Variants in AEBP2 observed in about 807,000 individuals in gnomAD.
AEBP2 encodes the protein AE binding protein 2.
In AEBP2, 10 loss-of-function variants were observed where a neutral mutation model predicts 50.8. That is an observed-to-expected ratio of 0.20 (90% CI 0.12 to 0.33). AEBP2 has a LOEUF of 0.33. AEBP2 is among the 10% of genes least tolerant of loss of function. The pLI, the probability that AEBP2 is intolerant of heterozygous loss-of-function variation, is 1.00. For synonymous variants in AEBP2, 296 were observed against 261.3 expected (o/e 1.13, Z -1.28); for missense variants, 570 against 688.0 (o/e 0.83, Z 1.92).
chr12:19,481,742 G>T (rs1169864322), intron 3 of AEBP2, among the ~76,000 whole-genome samples: 1 of 152,102 alleles, frequency 6.6e-6, no homozygotes, highest in Non-Finnish European at 1.5e-5. Context: ...GCCTCCCACA[G>T]TGCTGGGATT....
In AEBP2 at chr12:19,463,075, A is replaced by T. The variant is rs1592737562; in HGVS notation, c.879+358A>T. On this transcript the variant is annotated intron_variant, in intron 2 of 7. Coordinates refer to ENST00000266508, the MANE Select transcript of AEBP2 (RefSeq NM_153207.5). ...ATTTTCCTTTGTTAGAGGATCCTAA[A>T]TTATTCCTGACGCTTAAATTAACTG... Among the ~76,000 whole-genome samples, 3 of 152,200 alleles carry T rather than the reference A, an allele frequency of 2.0e-5. No homozygotes were observed. The East Asian group carries it at 5.8e-4, about 29-fold the overall frequency.
At chr12:19,451,723 C>G (rs192302777) in intron 1 of AEBP2, among the ~76,000 whole-genome samples, 6 of 149,858 alleles carry the variant, frequency 4.0e-5, no homozygotes, top group Admixed American at 4.0e-4. Context: ...GTCTCGCTTG[C>G]TGGGTTGCCC....
Position 19,440,033 on chromosome 12 carries a change from A to T in AEBP2, c.334A>T (p.Ser112Cys). 6.6e-7 allele frequency: 1 copy of T among 1,524,100 alleles called. No homozygotes were observed. Among genetic ancestry groups the T allele is most frequent in the Non-Finnish European group, 8.8e-7 (1 of 1,141,750 alleles). 94.4% of individuals were successfully genotyped at this position (1,524,100 alleles called of 1,614,324 possible). A position where few individuals can be genotyped will look rare whatever the true frequency, so the allele number is the denominator to read the frequency against. Residue 112 changes from serine to cysteine, a missense_variant, in exon 1 of 8, where the codon AGC becomes TGC. By Grantham distance (112) the Ser-to-Cys change is moderately radical (BLOSUM62 -1). This residue lies in a region of AEBP2 where 386 missense variants were observed against 336.8 expected (regional missense o/e 1.15). Transcript: ENST00000266508. ...CGAGGAGGAGGAAGATGAGAGCAGCAGCAGCGGCGGGGGTGAGGAGGAGAG... is the reference window on the plus strand; with the variant it reads ...CGAGGAGGAGGAAGATGAGAGCAGCTGCAGCGGCGGGGGTGAGGAGGAGAG... ...DDEEEEDESS[S>C]SGGGEEESSA...
At chr12:19,440,896 A>G (rs1329547985) in intron 1 of AEBP2, among the ~76,000 whole-genome samples, 1 of 152,246 alleles carries the variant, frequency 6.6e-6, no homozygotes, top group African/African-American at 2.4e-5. Context: ...CTTTTATATT[A>G]AATCATTGCC....
chr12:19,491,866 T>C (rs11044606), intron 3 of AEBP2, among the ~76,000 whole-genome samples: 3,238 of 152,302 alleles, frequency 0.021, 40 homozygotes, highest in East Asian at 0.042. Context: ...GACATAGATA[T>C]GCAGTGAAGT....
chr12:19,501,797 G>GTTTGTTTTTTT (rs60750234), intron 5 of AEBP2, among the ~76,000 whole-genome samples: 43 of 70,920 alleles, frequency 6.1e-4, no homozygotes, highest in East Asian at 1.5e-3. Context: ...AAATGAGTTT[G>GTTTGTTTTTTT]TTTTTTTTTT....
chr12:19,429,264 G>A (rs1246117656), intron 1 of AEBP2, among the ~76,000 whole-genome samples: 2 of 152,284 alleles, frequency 1.3e-5, no homozygotes, highest in African/African-American at 4.8e-5. Flanking sequence ...TGCTGAGAAT[G>A]ATGGTTTCCA....
At chr12:19,509,017 T>G (rs1374107400) in intron 5 of AEBP2, 1 of 566,262 alleles carries the variant, frequency 1.8e-6, no homozygotes, top group African/African-American at 1.9e-5. Flanking sequence ...CTAAGAACGT[T>G]GGGAAAGCAC....
At position 19,415,091 on chromosome 12, in the gene AEBP2, G is replaced by A. The variant is rs538645953; in HGVS notation, c.-17+10875G>A. Among the ~76,000 whole-genome samples the A allele has an allele frequency of 3.0e-4, 45 of 151,106 alleles. No individual in the cohort carries two copies. The South Asian group carries it at 8.2e-3, about 27-fold the overall frequency. ...TTGGGAGACTGAGGCGGGTGGATCA[G>A]TTGAGGCCAGGAGTTCAAGACAGTC... On this transcript the variant is annotated intron_variant, in intron 1 of 3. Transcript: ENST00000538425.
At chr12:19,459,278 C>G (rs1411263254) in intron 1 of AEBP2, among the ~76,000 whole-genome samples, 2 of 151,996 alleles carry the variant, frequency 1.3e-5, no homozygotes, top group African/African-American at 4.8e-5. Context: ...GTTGCCCAGG[C>G]TGGAGTGCAG....
upstream of AEBP2, among the ~76,000 whole-genome samples, chr12:19,439,203 G>A (rs1947893585): frequency 6.6e-6 from 1 of 152,176 alleles, no homozygotes; most frequent in African/African-American, 2.4e-5. Context: ...CTCAGCTCCT[G>A]TACAGAGGGG....
chr12:19,443,470 G>T (rs1012665794), intron 1 of AEBP2, among the ~76,000 whole-genome samples: 2 of 150,608 alleles, frequency 1.3e-5, no homozygotes, highest in African/African-American at 4.9e-5. Flanking sequence ...TGTAATCCCA[G>T]CACTTTGGGA....
intron 3 of AEBP2, among the ~76,000 whole-genome samples, chr12:19,492,286 C>T (rs1407310557): frequency 3.3e-5 from 5 of 151,910 alleles, no homozygotes; most frequent in Non-Finnish European, 5.9e-5. Context: ...AAATTTTTTT[C>T]CCCCAAGATA....
rs369410408 is a variant in AEBP2 at position 19,479,717 on chromosome 12, G to GTTTT, written c.987+6390_987+6393dup. Reference sequence around the variant, plus strand: ...ATTATTTAATGTCACCTCTTTGTGGGTTTTTTTTTTTTTTTTTTTTTTTTT... The same window carrying GTTTT: ...ATTATTTAATGTCACCTCTTTGTGGGTTTTTTTTTTTTTTTTTTTTTTTTTTTTT... On this transcript the variant is annotated intron_variant, in intron 3 of 7. Coordinates refer to ENST00000266508, the MANE Select transcript of AEBP2 (RefSeq NM_153207.5). Among the ~76,000 whole-genome samples, 78 of 22,308 alleles carry GTTTT rather than the reference G, an allele frequency of 3.5e-3. 4 individuals are homozygous for GTTTT. Among genetic ancestry groups the GTTTT allele is most frequent in the African/African-American group, 5.9e-3 (37 of 6,248 alleles). The allele number at this position is 22,308 out of a possible 152,430, so 14.6% of individuals were successfully genotyped here.
At chr12:19,470,641 T>C (rs1948556753) in intron 2 of AEBP2, among the ~76,000 whole-genome samples, 1 of 152,212 alleles carries the variant, frequency 6.6e-6, no homozygotes, top group Admixed American at 6.5e-5. Flanking sequence ...AAACCATACT[T>C]AATAAGGCTG....
At position 19,521,585 on chromosome 12, in the gene AEBP2, C is replaced by A. The variant is rs1360764716; in HGVS notation, c.*3468C>A. The A allele has an allele frequency of 6.6e-6, 1 of 151,926 alleles. No homozygotes were observed. The highest frequency in any genetic ancestry group is 1.5e-5 in the Non-Finnish European group (1 of 67,958). 9.4% of individuals were successfully genotyped at this position (151,926 alleles called of 1,614,324 possible). A position where few individuals can be genotyped will look rare whatever the true frequency, so the allele number is the denominator to read the frequency against. ...TACCTAAAGTGGACACATGTTACTT[C>A]TGAATTTCACATGAAAGGAAATTAA... On this transcript the variant is annotated 3_prime_UTR_variant, in exon 8 of 8. Coordinates refer to ENST00000266508, the MANE Select transcript of AEBP2 (RefSeq NM_153207.5).
chr12:19,440,662 C>T (rs1733337893), intron 1 of AEBP2: 1 of 1,532,044 alleles, frequency 6.5e-7, no homozygotes, highest in Admixed American at 2.0e-5. Flanking sequence ...GAAACAGTCC[C>T]CAAACGGGCC....
intron 1 of AEBP2, among the ~76,000 whole-genome samples, chr12:19,461,138 A>T (rs1462299489): frequency 6.6e-6 from 1 of 152,202 alleles, no homozygotes; most frequent in Non-Finnish European, 1.5e-5. Flanking sequence ...GGAGGGAAAC[A>T]TACCTCTTTA....
At chr12:19,508,387 A>G (rs969037246) in intron 5 of AEBP2, among the ~76,000 whole-genome samples, 17 of 152,036 alleles carry the variant, frequency 1.1e-4, no homozygotes, top group Non-Finnish European at 4.4e-5. Flanking sequence ...TATAGTGGAG[A>G]CAGTGTTTTG....
Sources: gnomAD v4.1 joint callset for allele counts (sites outside exome capture counted in the v4.1 genomes callset) on GRCh38, gnomAD v4.1.1 for gene constraint, gnomAD v4.1.1 regional missense constraint, MANE v1.5 for transcripts, NCBI Gene and HGNC (gene_info 2026-07-23, HGNC 2026-07-21) for gene names.